The following DLGAP1 variants were observed in gnomAD, a reference collection of about 807,000 sequenced individuals.
DLGAP1 encodes the protein disks large-associated protein 1.
DLGAP1 carries 11 observed loss-of-function variants against 90.8 expected under a neutral mutation model. The ratio of observed to expected loss-of-function variants is 0.12; its 90% confidence interval spans 0.08 to 0.20. DLGAP1 has a LOEUF of 0.20. Among genes scored for constraint, DLGAP1 ranks in the 10% least tolerant of loss-of-function variants. The pLI, the probability that DLGAP1 is intolerant of heterozygous loss-of-function variation, is 1.00. For synonymous variants in DLGAP1, 558 were observed against 540.7 expected (o/e 1.03, Z -0.44); for missense variants, 1,050 against 1,333.8 (o/e 0.79, Z 3.31).
rs183967311 is a variant in DLGAP1 at position 3,814,314 on chromosome 18, C to G, written c.958-41G>C. 1.5e-4 allele frequency: 233 copies of G among 1,548,254 alleles called. 2 individuals carry two copies. The African/African-American group carries it at 3.0e-3, about 20-fold the overall frequency. On this transcript the variant is annotated intron_variant, in intron 4 of 12. Coordinates refer to ENST00000315677, the MANE Select transcript of DLGAP1 (RefSeq NM_004746.4). ...ACAGATAAATCACTTTTTATAAAAG[C>G]CTACCTTTTTCTTTTCTTTTTCTTT...
At chr18:3,670,119 C>A (rs2146726891) in intron 7 of DLGAP1, among the ~76,000 whole-genome samples, 1 of 152,158 alleles carries the variant, frequency 6.6e-6, no homozygotes, top group Non-Finnish European at 1.5e-5. Context: ...CAAAACAAAC[C>A]CCTAAAAATT....
intron 5 of DLGAP1, among the ~76,000 whole-genome samples, chr18:3,758,109 G>GA (rs1318845697): frequency 0.091 from 6,537 of 71,936 alleles, 207 homozygotes; most frequent in Middle Eastern, 0.2. Flanking sequence ...TCTATCTTGA[G>GA]AAAAAAAAAA....
chr18:3,759,214 T>C (rs959855167), intron 5 of DLGAP1, among the ~76,000 whole-genome samples: 3 of 151,792 alleles, frequency 2.0e-5, no homozygotes, highest in African/African-American at 4.8e-5. Context: ...GGGGATTCAG[T>C]TGATGCTGCA....
intron 7 of DLGAP1, among the ~76,000 whole-genome samples, chr18:3,717,661 G>A (rs561139076): frequency 2.1e-4 from 32 of 152,190 alleles, no homozygotes; most frequent in Non-Finnish European, 4.1e-4. Flanking sequence ...ATGCTTCTGT[G>A]GAGACATCAG....
chr18:4,324,507 A>G (rs115403597), intron 1 of DLGAP1, among the ~76,000 whole-genome samples: 1,685 of 152,056 alleles, frequency 0.011, 35 homozygotes, highest in African/African-American at 0.039. Context: ...CTCCTCCCCA[A>G]CTCATCCTAT....
At chr18:3,828,597 G>A (rs1361014311) in intron 4 of DLGAP1, among the ~76,000 whole-genome samples, 1 of 128,342 alleles carries the variant, frequency 7.8e-6, no homozygotes, top group Non-Finnish European at 1.6e-5. Context: ...TTGTGATCAG[G>A]CCACTGCACT....
chr18:3,946,982 A>G (rs929142475), intron 3 of DLGAP1, among the ~76,000 whole-genome samples: 2 of 152,196 alleles, frequency 1.3e-5, no homozygotes, highest in Non-Finnish European at 2.9e-5. Flanking sequence ...TTACATGATT[A>G]TTGGGATAAA....
At chr18:4,377,210 C>A (rs888096680) in intron 1 of DLGAP1, among the ~76,000 whole-genome samples, 12 of 152,040 alleles carry the variant, frequency 7.9e-5, no homozygotes, top group Non-Finnish European at 1.6e-4. Flanking sequence ...CCCTCTAGAA[C>A]TGGATGCACA....
chr18:3,994,280 C>T lies in DLGAP1; in HGVS notation c.-73+10836G>A, dbSNP rs539060950. Among the ~76,000 whole-genome samples, 3 of 152,344 alleles carry T rather than the reference C, an allele frequency of 2.0e-5. No homozygotes were observed. In the East Asian group the frequency reaches 5.8e-4, roughly 29 times the overall value. On this transcript the variant is annotated intron_variant, in intron 3 of 12. Coordinates refer to ENST00000315677, the MANE Select transcript of DLGAP1 (RefSeq NM_004746.4). ...CTGCCCCTCTGCGATGGCAGCCTGT[C>T]CACAGCTCTAGTGCCCATAGGCTTG...
intron 2 of DLGAP1, among the ~76,000 whole-genome samples, chr18:4,053,087 C>A (rs2075159754): frequency 6.6e-6 from 1 of 152,324 alleles, no homozygotes; most frequent in South Asian, 2.1e-4. Flanking sequence ...TCCAAAGTCG[C>A]TTCCACATTT....
chr18:4,097,952 C>CACTCAAGCTG (rs1568395133), intron 2 of DLGAP1, among the ~76,000 whole-genome samples: 1 of 152,184 alleles, frequency 6.6e-6, no homozygotes, highest in Non-Finnish European at 1.5e-5. Context: ...CTCACTCTGT[C>CACTCAAGCTG]ACTCAAGCTG....
chr18:3,674,293 T>TAAAAAA (rs763030375), intron 7 of DLGAP1, among the ~76,000 whole-genome samples: 3,021 of 76,532 alleles, frequency 0.039, 134 homozygotes, highest in African/African-American at 0.1. Context: ...TCTATAATAT[T>TAAAAAA]AAAATATATA....
intron 7 of DLGAP1, among the ~76,000 whole-genome samples, chr18:3,669,108 A>AAAAT (rs749765228): frequency 7.4e-5 from 9 of 122,318 alleles, no homozygotes; most frequent in African/African-American, 1.9e-4. Flanking sequence ...TTGTTAAATG[A>AAAAT]AAATAAATGT....
intron 9 of DLGAP1, among the ~76,000 whole-genome samples, chr18:3,567,100 C>T (rs957659019): frequency 1.5e-5 from 2 of 137,882 alleles, no homozygotes; most frequent in Admixed American, 7.4e-5. Flanking sequence ...TCATTGAGCA[C>T]ACACTAAACA....
At chr18:4,343,503 G>A (rs1198034355) in intron 1 of DLGAP1, among the ~76,000 whole-genome samples, 1 of 151,850 alleles carries the variant, frequency 6.6e-6, no homozygotes, top group Non-Finnish European at 1.5e-5. Context: ...TATAAATAAG[G>A]GTAAAACAGC....
At chr18:4,390,047 T>G (rs9957498) in intron 1 of DLGAP1, among the ~76,000 whole-genome samples, 6,433 of 152,218 alleles carry the variant, frequency 0.042, 425 homozygotes, top group African/African-American at 0.15. Context: ...GAGGTATGGT[T>G]TTTGATCTTA....
chr18:3,686,081 G>A (rs1254366563), intron 7 of DLGAP1, among the ~76,000 whole-genome samples: 14 of 152,152 alleles, frequency 9.2e-5, no homozygotes, highest in Non-Finnish European at 2.1e-4. Flanking sequence ...GGAGGCTGAG[G>A]CAGGAGAATC....
At chr18:3,612,898 A>G (rs1480079697) in intron 7 of DLGAP1, among the ~76,000 whole-genome samples, 1 of 151,880 alleles carries the variant, frequency 6.6e-6, no homozygotes, top group South Asian at 2.1e-4. Flanking sequence ...CTGGAGTACA[A>G]TGGTGCAATC....
intron 1 of DLGAP1, among the ~76,000 whole-genome samples, chr18:4,251,259 C>T (rs1166918494): frequency 1.3e-5 from 2 of 152,194 alleles, no homozygotes; most frequent in Admixed American, 1.3e-4. Flanking sequence ...TTGCTTTTCT[C>T]TTAAGAAAGT....
Sources: allele counts gnomAD v4.1 joint callset (sites outside exome capture counted in the v4.1 genomes callset), GRCh38; gene constraint gnomAD v4.1.1; transcripts MANE v1.5; gene names NCBI Gene and HGNC (gene_info 2026-07-23, HGNC 2026-07-21).